The following MAPKAP1 variants were observed in gnomAD, a reference collection of about 807,000 sequenced individuals.
MAPKAP1 encodes target of rapamycin complex 2 subunit MAPKAP1.
A neutral mutation model predicts 65.7 loss-of-function variants in MAPKAP1; 20 were observed. The ratio of observed to expected loss-of-function variants is 0.30; its 90% CI spans 0.21 to 0.44. MAPKAP1 has a LOEUF of 0.44. MAPKAP1 is among the 20% of genes least tolerant of loss of function. MAPKAP1 has a pLI of 1.00. For synonymous variants in MAPKAP1, 222 were observed against 244.3 expected, an observed-to-expected ratio of 0.91 and a Z score of 0.85; for missense variants, 423 against 648.0, an observed-to-expected ratio of 0.65 and a Z score of 3.77.
Position 125,484,504 on chromosome 9 carries a change from A to G in MAPKAP1, c.1146T>C (p.His382=). The G allele has an allele frequency of 6.2e-7, 1 of 1,613,646 alleles. No homozygotes were observed. The highest frequency in any genetic ancestry group is 1.3e-5 in the African/African-American group (1 of 75,036). The change falls in exon 9 of 12, where the codon CAT becomes CAC. Residue 382 remains histidine (H), a synonymous_variant. Transcript: ENST00000265960. ...ATVQDMLSSH[H]YKSFKVSMIH... Reference sequence around the variant, plus strand: ...TCATGCTGACTTTGAATGACTTGTAATGGTGGCTGCTAAGCATATCCTGTA... The same window carrying G: ...TCATGCTGACTTTGAATGACTTGTAGTGGTGGCTGCTAAGCATATCCTGTA...
Position 125,566,107 on chromosome 9 carries a change from G to C in MAPKAP1, c.672-6298C>G, listed in dbSNP as rs16928300. On this transcript the variant is annotated intron_variant, in intron 5 of 11. Transcript: ENST00000265960. ...AGAAGGGCCTCCTTGGCATGGCAAG[G>C]GTAGAGAATTTCAGTCCAGATCTTT... Among the ~76,000 whole-genome samples, 26 of 152,268 alleles carry C rather than the reference G, an allele frequency of 1.7e-4. 1 individual carries two copies. In the South Asian group the frequency reaches 4.6e-3, roughly 27 times the overall value.
chr9:125,704,546 T>A (rs771270243), intron 1 of MAPKAP1, among the ~76,000 whole-genome samples: 2 of 152,164 alleles, frequency 1.3e-5, no homozygotes, highest in Non-Finnish European at 2.9e-5. Context: ...TCTTTTTGTA[T>A]CCCCAAGGTC....
chr9:125,610,221 C>T (rs1832558941), intron 4 of MAPKAP1, among the ~76,000 whole-genome samples: 1 of 152,222 alleles, frequency 6.6e-6, no homozygotes, highest in Non-Finnish European at 1.5e-5. Flanking sequence ...TCCTCTCCCA[C>T]AGCATTTAAT....
chr9:125,581,718 T>A (rs989173614), intron 5 of MAPKAP1, among the ~76,000 whole-genome samples: 1 of 152,196 alleles, frequency 6.6e-6, no homozygotes, highest in Non-Finnish European at 1.5e-5. Context: ...TCCCAAAGAT[T>A]TTCTCCTGTT....
Position 125,438,279 on chromosome 9 carries a change from C to T in MAPKAP1, c.*608G>A. Reference sequence around the variant, plus strand: ...TCTCTGTTCCTAACTTTTAGTAAGACACTACCCTCGAAGCAAATGCACTCA... The same window carrying T: ...TCTCTGTTCCTAACTTTTAGTAAGATACTACCCTCGAAGCAAATGCACTCA... On this transcript the variant is annotated 3_prime_UTR_variant, in exon 12 of 12. Transcript: ENST00000265960. The T allele has an allele frequency of 2.5e-6, 1 of 398,068 alleles. No homozygotes were observed. Among genetic ancestry groups the T allele is most frequent in the Non-Finnish European group, 4.4e-6 (1 of 225,818 alleles). 24.7% of individuals were successfully genotyped at this position (398,068 alleles called of 1,614,324 possible).
chr9:125,693,215 C>T (rs1835220868), intron 1 of MAPKAP1, among the ~76,000 whole-genome samples: 1 of 151,962 alleles, frequency 6.6e-6, no homozygotes, highest in Admixed American at 6.6e-5. Flanking sequence ...GAGTTTGAGA[C>T]CAGCCTGGCC....
chr9:125,604,931 A>T (rs1213738447), intron 4 of MAPKAP1, among the ~76,000 whole-genome samples: 1 of 152,250 alleles, frequency 6.6e-6, no homozygotes, highest in Non-Finnish European at 1.5e-5. Flanking sequence ...TACACCAATT[A>T]TCCCCGTTCC....
At chr9:125,649,325 T>A (rs868833269) in intron 4 of MAPKAP1, among the ~76,000 whole-genome samples, 1 of 152,192 alleles carries the variant, frequency 6.6e-6, no homozygotes, top group South Asian at 2.1e-4. Flanking sequence ...AATACGTCCA[T>A]GTTGTTTACC....
chr9:125,590,652 A>G (rs1831930588), intron 4 of MAPKAP1, among the ~76,000 whole-genome samples: 1 of 151,808 alleles, frequency 6.6e-6, no homozygotes, highest in Non-Finnish European at 1.5e-5. Flanking sequence ...CTCCGTCTCA[A>G]GAAAAAAAAA....
chr9:125,447,357 G>A lies in MAPKAP1; in HGVS notation c.1346-2759C>T, dbSNP rs892069646. 9 of 456,232 alleles carry A rather than the reference G, an allele frequency of 2.0e-5. No homozygotes were observed. The highest frequency in any genetic ancestry group is 1.6e-4 in the Admixed American group (7 of 42,556). 28.3% of individuals were successfully genotyped at this position (456,232 alleles called of 1,614,324 possible). On this transcript the variant is annotated intron_variant, in intron 10 of 11. Transcript: ENST00000265960. The surrounding 1 kb of genome is among the most constrained non-coding windows in gnomAD (Gnocchi z 4.5). ...GAGAGGGGAACAGAGGGCAGAGAAC[G>A]TTCTGTGGAGCACTTGTGTTTGGAC... is the stretch of plus-strand genomic sequence containing the variant.
At chr9:125,603,761 G>A (rs2131615957) in intron 4 of MAPKAP1, among the ~76,000 whole-genome samples, 1 of 151,998 alleles carries the variant, frequency 6.6e-6, no homozygotes, top group Middle Eastern at 3.4e-3. Context: ...AGGCTGCTAG[G>A]TCAGTTCCCC....
chr9:125,480,003 C>T (rs1240796135), intron 9 of MAPKAP1, among the ~76,000 whole-genome samples: 2 of 152,164 alleles, frequency 1.3e-5, no homozygotes, highest in Non-Finnish European at 2.9e-5. Context: ...GTCTCAAAAT[C>T]CAGCTGCTCA....
intron 4 of MAPKAP1, among the ~76,000 whole-genome samples, chr9:125,631,999 C>A (rs536572627): frequency 4.6e-5 from 7 of 152,232 alleles, no homozygotes; most frequent in African/African-American, 1.4e-4. Flanking sequence ...GCGGGCAGAT[C>A]CCTTGAGGTA....
chr9:125,648,456 C>T (rs1278564775), intron 4 of MAPKAP1, among the ~76,000 whole-genome samples: 2 of 152,152 alleles, frequency 1.3e-5, no homozygotes, highest in Non-Finnish European at 2.9e-5. Flanking sequence ...TCATCTAAGC[C>T]ACATTCCTGA....
intron 4 of MAPKAP1, among the ~76,000 whole-genome samples, chr9:125,605,819 C>A (rs961786804): frequency 2.6e-5 from 4 of 152,190 alleles, no homozygotes; most frequent in African/African-American, 9.7e-5. Flanking sequence ...AGAGGTTTCA[C>A]CAACACAGTT....
chr9:125,490,574 AAAC>A (rs986356154), intron 8 of MAPKAP1, among the ~76,000 whole-genome samples: 9 of 152,256 alleles, frequency 5.9e-5, no homozygotes, highest in East Asian at 3.9e-4. Flanking sequence ...ACCAACAAAA[AAAC>A]AACAACAAAA....
intron 4 of MAPKAP1, among the ~76,000 whole-genome samples, chr9:125,656,570 A>G (rs1377785237): frequency 1.3e-5 from 2 of 152,206 alleles, no homozygotes; most frequent in African/African-American, 4.8e-5. Flanking sequence ...GTAGGAAGTA[A>G]AAGTCTTTCG....
intron 10 of MAPKAP1, among the ~76,000 whole-genome samples, chr9:125,450,683 T>A (rs1164398310): frequency 6.6e-6 from 1 of 152,258 alleles, no homozygotes; most frequent in Non-Finnish European, 1.5e-5. Context: ...GGATACTTTT[T>A]GAAAACTCAG....
intron 10 of MAPKAP1, among the ~76,000 whole-genome samples, chr9:125,451,892 C>T (rs1852968032): frequency 6.7e-6 from 1 of 150,362 alleles, no homozygotes; most frequent in South Asian, 2.1e-4. Context: ...TCACTGCAAC[C>T]TCCGCCTCCC....
Sources: allele counts gnomAD v4.1 joint callset (sites outside exome capture counted in the v4.1 genomes callset), GRCh38; gene constraint gnomAD v4.1.1; non-coding constraint Gnocchi (gnomAD v3.1); transcripts MANE v1.5; gene names NCBI Gene and HGNC (gene_info 2026-07-23, HGNC 2026-07-21).